ZNF680: variants seen among roughly 807,000 people sequenced by gnomAD.
ZNF680 encodes zinc finger protein 680.
In ZNF680, 6 loss-of-function variants were observed where a neutral mutation model predicts 12.1. The ratio of observed to expected loss-of-function variants is 0.49; its 90% CI spans 0.27 to 0.98. The LOEUF (loss-of-function observed/expected upper bound fraction) is 0.98. Among genes scored for constraint, ZNF680 ranks in the 50% least tolerant of loss-of-function variants. ZNF680 has a pLI of 0.12. For missense variants in ZNF680, 561 were observed against 616.3 expected (o/e 0.91, Z 0.95); for synonymous variants, 170 against 199.3 (o/e 0.85, Z 1.24).
chr7:64,558,311 T>C (rs911203191), intron 1 of ZNF680, among the ~76,000 whole-genome samples: 1 of 151,942 alleles, frequency 6.6e-6, no homozygotes, highest in Non-Finnish European at 1.5e-5. Flanking sequence ...CTGATGGTGG[T>C]GCCTAGTCCT....
chr7:64,545,775 A>C (rs1167372891), intron 1 of ZNF680, among the ~76,000 whole-genome samples: 1 of 152,176 alleles, frequency 6.6e-6, no homozygotes, highest in Non-Finnish European at 1.5e-5. Context: ...CATTCTGTTT[A>C]AATAAGCATT....
the ZNF680 span, among the ~76,000 whole-genome samples, chr7:64,511,761 C>T: frequency 1.3e-5 from 2 of 151,378 alleles, no homozygotes; most frequent in Non-Finnish European, 2.9e-5. Flanking sequence ...AAAAAAAATT[C>T]TTAAAAAGCA....
At position 64,522,087 on chromosome 7, in the gene ZNF680, A is replaced by G. The variant is rs1228764370; in HGVS notation, c.667T>C (p.Ser223Pro). 1 of 1,612,244 alleles carries G rather than the reference A, an allele frequency of 6.2e-7. No homozygotes were observed. The highest frequency in any genetic ancestry group is 2.2e-5 in the East Asian group (1 of 44,808). The change falls in exon 4 of 4, where the codon TCA (serine) becomes CCA (proline). Residue 223 changes from serine (S) to proline (P), a missense_variant. By Grantham distance (74) the Ser-to-Pro change is moderately conservative. Coordinates refer to ENST00000309683, the MANE Select transcript of ZNF680 (RefSeq NM_178558.5). Reference protein sequence around the residue: ...EECGKVLNWFSELIKHKGIHM... With the variant: ...EECGKVLNWFPELIKHKGIHM... ...ATTCCCTTATGTTTAATAAGCTCTG[A>G]GAACCAGTTAAGAACTTTGCCACAT...
chr7:64,530,097 A>G (rs1211716958), intron 3 of ZNF680, among the ~76,000 whole-genome samples: 2 of 152,340 alleles, frequency 1.3e-5, no homozygotes, highest in Admixed American at 1.3e-4. Context: ...CAGACAAACA[A>G]ATTCTGTGAT....
intron 1 of ZNF680, among the ~76,000 whole-genome samples, chr7:64,557,112 G>A (rs961417271): frequency 2.0e-5 from 3 of 152,034 alleles, no homozygotes; most frequent in Admixed American, 6.6e-5. Context: ...TTAGCCAGGC[G>A]TAGTGGCAGT....
At chr7:64,561,884 G>T (rs111745121) in intron 1 of ZNF680, among the ~76,000 whole-genome samples, 1 of 144,820 alleles carries the variant, frequency 6.9e-6, no homozygotes, top group African/African-American at 2.6e-5. Context: ...GCAGTGAGCC[G>T]AGATCGCGCC....
Position 64,526,553 on chromosome 7 carries a change from C to A in ZNF680, c.254-4053G>T, listed in dbSNP as rs541920790. 403 of 433,026 alleles carry A rather than the reference C, an allele frequency of 9.3e-4. 3 individuals are homozygous for A. The highest frequency in any genetic ancestry group is 7.6e-3 in the African/African-American group (365 of 48,126). The allele number at this position is 433,026 out of a possible 1,614,324, so 26.8% of individuals were successfully genotyped here. ...ACAAACAGAAATGCTAAAATGAGTC[C>A]ATTATTTAAAAAAAAAAAATGATGC... On this transcript the variant is annotated intron_variant, in intron 3 of 3. Coordinates refer to ENST00000309683, the MANE Select transcript of ZNF680 (RefSeq NM_178558.5).
chr7:64,521,477 C>A lies in ZNF680; in HGVS notation c.1277G>T (p.Arg426Ile), dbSNP rs1791526232. The change falls in exon 4 of 4, where the codon AGA becomes ATA. Residue 426 changes from arginine to isoleucine, a missense_variant. Arg to Ile is a moderately conservative substitution (Grantham distance 97, BLOSUM62 -3). Transcript: ENST00000309683. Reference protein sequence around the residue: ...NGCSSLTRHKRIHTRENTYKC... With the variant: ...NGCSSLTRHKIIHTRENTYKC... ...GTAGGTATTCTCTCTAGTGTGAATT[C>A]TCTTATGTCGAGTAAGGCTGGAGCA... The A allele has an allele frequency of 1.9e-6, 3 of 1,611,382 alleles. No individual in the cohort carries two copies. Among genetic ancestry groups the A allele is most frequent in the Non-Finnish European group, 2.5e-6 (3 of 1,179,120 alleles).
intron 3 of ZNF680, among the ~76,000 whole-genome samples, chr7:64,541,690 G>A (rs1374125511): frequency 6.6e-6 from 1 of 152,108 alleles, no homozygotes; most frequent in Non-Finnish European, 1.5e-5. Flanking sequence ...ACCAGGAAAT[G>A]GCCCACCAAA....
At chr7:64,542,049 C>T (rs760186476) in intron 3 of ZNF680, among the ~76,000 whole-genome samples, 2 of 152,184 alleles carry the variant, frequency 1.3e-5, no homozygotes, top group African/African-American at 4.8e-5. Flanking sequence ...ACTGTCTGCC[C>T]TACAGAGCAA....
Position 64,521,353 on chromosome 7 carries a change from A to G in ZNF680, c.1401T>C (p.Cys467=). 1 of 1,613,494 alleles carries G rather than the reference A, an allele frequency of 6.2e-7. No individual in the cohort carries two copies. Among genetic ancestry groups the G allele is most frequent in the Non-Finnish European group, 8.5e-7 (1 of 1,179,638 alleles). ...TTGCAGGCCAGTTAAAAACATTGCC[A>G]CATTCATCACATTTGTAGGATTTCT... The part of the protein sequence containing the change: ...TGEKSYKCDE[C]GNVFNWPATL... The change falls in exon 4 of 4, where the codon TGT becomes TGC. Residue 467 remains cysteine, a synonymous_variant. Coordinates refer to ENST00000309683, the MANE Select transcript of ZNF680 (RefSeq NM_178558.5).
the ZNF680 span, among the ~76,000 whole-genome samples, chr7:64,507,879 A>T: frequency 2.4e-5 from 3 of 127,158 alleles, no homozygotes; most frequent in African/African-American, 9.0e-5. Context: ...ACACACACAC[A>T]TTTTTTTATT....
At chr7:64,556,371 C>A (rs1486877246) in intron 1 of ZNF680, among the ~76,000 whole-genome samples, 2 of 150,904 alleles carry the variant, frequency 1.3e-5, no homozygotes, top group African/African-American at 2.4e-5. Flanking sequence ...GGTGGCATTA[C>A]ATTACCTGAC....
chr7:64,548,318 G>A (rs1312033459), intron 1 of ZNF680, among the ~76,000 whole-genome samples: 1 of 152,244 alleles, frequency 6.6e-6, no homozygotes, highest in East Asian at 1.9e-4. Context: ...CCTTTCAGGT[G>A]ATGACATCAG....
At chr7:64,555,402 A>G (rs1787355055) in intron 1 of ZNF680, among the ~76,000 whole-genome samples, 1 of 152,088 alleles carries the variant, frequency 6.6e-6, no homozygotes, top group African/African-American at 2.4e-5. Context: ...ACCTGAGTCT[A>G]AATGACTTTT....
At chr7:64,501,533 CAGG>C in the ZNF680 span, 3 of 765,106 alleles carry the variant, frequency 3.9e-6, no homozygotes, top group African/African-American at 3.5e-5. Context: ...AGGAACAGAG[CAGG>C]AGCTCAGTGA....
intron 3 of ZNF680, chr7:64,526,455 C>T (rs1474483365): frequency 1.4e-6 from 2 of 1,415,264 alleles, no homozygotes; most frequent in Non-Finnish European, 9.6e-7. Context: ...TTTAGGGAGG[C>T]CAAGGCAGTA....
chr7:64,531,078 A>G (rs920249875), intron 3 of ZNF680, among the ~76,000 whole-genome samples: 6 of 152,104 alleles, frequency 3.9e-5, no homozygotes, highest in African/African-American at 1.2e-4. Context: ...AGATCAAGAC[A>G]GAAAATTAAC....
At chr7:64,500,779 C>T in the ZNF680 span, 3 of 332,958 alleles carry the variant, frequency 9.0e-6, no homozygotes, top group African/African-American at 6.6e-5. Context: ...ATCTCTTCTC[C>T]CTCCTTCCTC....
Sources: allele counts gnomAD v4.1 joint callset (sites outside exome capture counted in the v4.1 genomes callset), GRCh38; gene constraint gnomAD v4.1.1; transcripts MANE v1.5; gene names NCBI Gene and HGNC (gene_info 2026-07-23, HGNC 2026-07-21).